Variants in DNAAF9 observed in about 807,000 individuals in gnomAD.
The protein encoded by DNAAF9 is dynein axonemal assembly factor 9.
Under a neutral mutation model 167.0 loss-of-function variants are expected in DNAAF9, and 90 were observed. The ratio of observed to expected loss-of-function variants is 0.54; its 90% CI spans 0.45 to 0.64. DNAAF9 has a LOEUF of 0.64. Ranked by LOEUF, DNAAF9 falls within the 30% of genes least tolerant of loss-of-function variation. The pLI, the probability that DNAAF9 is intolerant of heterozygous loss-of-function variation, is 0.00. For synonymous variants in DNAAF9, 491 were observed against 508.8 expected, an observed-to-expected ratio of 0.96 and a Z score of 0.47; for missense variants, 1,315 against 1,442.2, an observed-to-expected ratio of 0.91 and a Z score of 1.43.
chr20:3,392,751 G>A (rs1377654870), intron 1 of DNAAF9, among the ~76,000 whole-genome samples: 2 of 151,922 alleles, frequency 1.3e-5, no homozygotes, highest in Admixed American at 6.6e-5. Flanking sequence ...GAAAAAAATT[G>A]GAAATTTTAT....
chr20:3,304,290 G>C (rs1356662427), intron 21 of DNAAF9, 150 bp downstream of exon 21: 1 of 659,534 alleles, frequency 1.5e-6, no homozygotes. Context: ...GCCTCTCCAC[G>C]ACCTCCCTCC....
chr20:3,351,189 A>G (rs1207773803), intron 7 of DNAAF9, among the ~76,000 whole-genome samples: 1 of 152,212 alleles, frequency 6.6e-6, no homozygotes, highest in East Asian at 1.9e-4. Context: ...TCATGGGAAT[A>G]CAATTAAGAA....
In DNAAF9 at chr20:3,315,849, C is replaced by T. The variant is rs1477692923; in HGVS notation, c.1540-64G>A. On this transcript the variant is annotated intron_variant, in intron 18 of 36. Transcript: ENST00000252032. The surrounding 1 kb of genome is among the most constrained non-coding windows in gnomAD (Gnocchi z 4.1). ...TCAAGGGAAAACCCTGCTAGGTCTC[C>T]CCACTGTGTTCAAATATTTCCAGGA... The T allele has an allele frequency of 5.9e-6, 7 of 1,194,204 alleles. No individual in the cohort carries two copies. The highest frequency in any genetic ancestry group is 2.4e-5 in the South Asian group (2 of 82,632). The allele number at this position is 1,194,204 out of a possible 1,614,324, so 74.0% of individuals were successfully genotyped here.
intron 20 of DNAAF9, among the ~76,000 whole-genome samples, chr20:3,313,497 A>C (rs1233332293): frequency 6.6e-6 from 1 of 152,216 alleles, no homozygotes; most frequent in Non-Finnish European, 1.5e-5. Context: ...GAGGTTGAGG[A>C]ATTTGTAGAG....
Position 3,407,464 on chromosome 20 carries a change from G to C in DNAAF9, c.83+11C>G. 7.6e-7 allele frequency: 1 copy of C among 1,310,906 alleles called. No homozygotes were observed. Among genetic ancestry groups the C allele is most frequent in the South Asian group, 2.2e-5 (1 of 45,274 alleles). The allele number at this position is 1,310,906 out of a possible 1,614,324, so 81.2% of individuals were successfully genotyped here. On this transcript the variant is annotated intron_variant, in intron 1 of 36. Coordinates refer to ENST00000252032, the MANE Select transcript of DNAAF9 (RefSeq NM_001009984.3). ...GCCCGGCCGCCCCTCGGCTGCCTCT[G>C]CCCCGCGTACCTGACGGAGGGTGAC... is the stretch of plus-strand genomic sequence containing the variant.
At chr20:3,361,968 A>G in intron 6 of DNAAF9, 1 of 1,536,090 alleles carries the variant, frequency 6.5e-7, no homozygotes, top group East Asian at 2.2e-5. Context: ...TTGCAGGACA[A>G]CTTTGATGCT....
chr20:3,305,214 A>T (rs2069269375), intron 20 of DNAAF9, among the ~76,000 whole-genome samples: 1 of 152,188 alleles, frequency 6.6e-6, no homozygotes, highest in African/African-American at 2.4e-5. Context: ...TATAGGCCCT[A>T]GGGAGCAGAC....
intron 30 of DNAAF9, among the ~76,000 whole-genome samples, chr20:3,265,876 C>T (rs904507540): frequency 4.6e-5 from 7 of 151,898 alleles, no homozygotes; most frequent in South Asian, 2.1e-4. Context: ...GACAGGGTTT[C>T]GCCATGTTGG....
chr20:3,375,227 T>C, intron 4 of DNAAF9, 101 bp from the exon 5 acceptor site: 1 of 779,576 alleles, frequency 1.3e-6, no homozygotes, highest in Non-Finnish European at 2.2e-6. Flanking sequence ...CCAAATGACA[T>C]TTACAGAGGA....
chr20:3,258,031 A>G (rs1568560469), intron 33 of DNAAF9, among the ~76,000 whole-genome samples: 1 of 92,558 alleles, frequency 1.1e-5, no homozygotes, highest in East Asian at 2.8e-4. Flanking sequence ...GCCTGGCCTA[A>G]TTTTTTTTAT....
At chr20:3,316,029 A>G (rs2069494723) in intron 18 of DNAAF9, 1 of 558,488 alleles carries the variant, frequency 1.8e-6, no homozygotes. Flanking sequence ...TATGACAAGC[A>G]GAGGGGATGT....
At chr20:3,292,747 C>G (rs1245048125) in intron 25 of DNAAF9, among the ~76,000 whole-genome samples, 28 of 144,586 alleles carry the variant, frequency 1.9e-4, no homozygotes, top group African/African-American at 7.2e-4. Flanking sequence ...GCCTGGGCAA[C>G]AGAGCGAGAC....
At chr20:3,368,740 G>A (rs187738204) in intron 6 of DNAAF9, among the ~76,000 whole-genome samples, 7 of 151,832 alleles carry the variant, frequency 4.6e-5, no homozygotes, top group Non-Finnish European at 7.4e-5. Flanking sequence ...GGATGGTCTC[G>A]ATCTCCTGAC....
intron 12 of DNAAF9, among the ~76,000 whole-genome samples, chr20:3,328,068 C>G (rs527665230): frequency 6.6e-6 from 1 of 152,300 alleles, no homozygotes; most frequent in East Asian, 1.9e-4. Context: ...TCGGTACCAA[C>G]ACTGGTCAGG....
rs73611710 is a variant in DNAAF9 at position 3,250,370 on chromosome 20, G to C, written c.*2202C>G. On this transcript the variant is annotated 3_prime_UTR_variant, in exon 37 of 37. Transcript: ENST00000252032. ...GCGGGTGTGCCTTATCAGTGGGGCAGAGCAAGTGGCCCCAGGAATGCCCTT... is the reference window on the plus strand; with the variant it reads ...GCGGGTGTGCCTTATCAGTGGGGCACAGCAAGTGGCCCCAGGAATGCCCTT... 1.3e-5 allele frequency: 2 copies of C among 152,236 alleles called. No homozygotes were observed. The highest frequency in any genetic ancestry group is 1.3e-4 in the Admixed American group (2 of 15,284). The allele number at this position is 152,236 out of a possible 1,614,324, so 9.4% of individuals were successfully genotyped here. A position where few individuals can be genotyped will look rare whatever the true frequency, so the allele number is the denominator to read the frequency against.
At chr20:3,288,794 G>C in intron 26 of DNAAF9, among the ~76,000 whole-genome samples, 1 of 152,236 alleles carries the variant, frequency 6.6e-6, no homozygotes, top group South Asian at 2.1e-4. Flanking sequence ...GATTTCACCT[G>C]GGCCAACCTG....
rs239489 is a variant in DNAAF9, at chr20:3,391,103, T to G, written c.84-8597A>C. On this transcript the variant is annotated intron_variant, in intron 1 of 36. Transcript: ENST00000252032. ...CCACAACTATGTTATCCAAAGAAAG[T>G]GCAAGCATATAAAATGTAGAAAGAC... 9.7e-3 allele frequency among the ~76,000 whole-genome samples: 1,470 copies of G among 152,312 alleles called. 30 individuals carry two copies. Among genetic ancestry groups the G allele is most frequent in the African/African-American group, 0.034 (1,411 of 41,572 alleles).
intron 12 of DNAAF9, among the ~76,000 whole-genome samples, chr20:3,330,217 G>A (rs1158434126): frequency 2.0e-5 from 3 of 152,114 alleles, no homozygotes; most frequent in Non-Finnish European, 4.4e-5. Context: ...AAACAACACA[G>A]TAATGTTCAT....
At chr20:3,282,839 G>A (rs1011367264) in intron 27 of DNAAF9, among the ~76,000 whole-genome samples, 1 of 152,106 alleles carries the variant, frequency 6.6e-6, no homozygotes, top group Non-Finnish European at 1.5e-5. Context: ...CTGCTCAGGC[G>A]GCATCTTACG....
Sources: gnomAD v4.1 joint callset for allele counts (sites outside exome capture counted in the v4.1 genomes callset) on GRCh38, gnomAD v4.1.1 for gene constraint, Gnocchi (gnomAD v3.1) non-coding constraint, MANE v1.5 for transcripts, NCBI Gene and HGNC (gene_info 2026-07-23, HGNC 2026-07-21) for gene names.